The following ROBO1 variants were observed in gnomAD, a reference collection of about 807,000 sequenced individuals.
The protein encoded by ROBO1 is roundabout guidance receptor 1.
In ROBO1, 149 loss-of-function variants were observed where a neutral mutation model predicts 195.9. The observed-to-expected ratio is 0.76, with a 90% confidence interval of 0.67 to 0.87. The LOEUF (loss-of-function observed/expected upper bound fraction) is 0.87, where lower values mean the gene tolerates loss of function less well. Ranked by LOEUF, ROBO1 falls within the 40% of genes least tolerant of loss-of-function variation. ROBO1 has a pLI of 0.00. For missense variants in ROBO1, 1,933 were observed against 2,068.3 expected, an observed-to-expected ratio of 0.93 and a Z score of 1.27; for synonymous variants, 816 against 733.2, an observed-to-expected ratio of 1.11 and a Z score of -1.82.
intron 2 of ROBO1, among the ~76,000 whole-genome samples, chr3:79,554,932 T>G (rs1461998640): frequency 6.6e-6 from 1 of 152,072 alleles, no homozygotes; most frequent in Non-Finnish European, 1.5e-5. Context: ...AGATAAATAT[T>G]TGTTGAAAAT....
intron 3 of ROBO1, chr3:79,018,661 A>C (rs948910540): frequency 2.1e-6 from 3 of 1,398,612 alleles, no homozygotes; most frequent in Non-Finnish European, 2.8e-6. Context: ...GCAGAGGAAG[A>C]ATTCCAAGGT....
chr3:78,995,383 G>A lies in ROBO1; in HGVS notation c.173-56456C>T, dbSNP rs141946509. 3.2e-3 allele frequency among the ~76,000 whole-genome samples: 491 copies of A among 152,090 alleles called. 6 individuals are homozygous for A. Among genetic ancestry groups the A allele is most frequent in the African/African-American group, 1.0e-2 (415 of 41,502 alleles). On this transcript the variant is annotated intron_variant, in intron 3 of 30. Coordinates refer to ENST00000464233, the MANE Select transcript of ROBO1 (RefSeq NM_002941.4). ...CAGCAAGCATGATGAACCTGGAACCGAGCAACACAGAGCCCTGCACTGCTT... is the reference window on the plus strand; with the variant it reads ...CAGCAAGCATGATGAACCTGGAACCAAGCAACACAGAGCCCTGCACTGCTT...
intron 3 of ROBO1, among the ~76,000 whole-genome samples, chr3:79,003,233 T>C (rs191501928): frequency 6.6e-6 from 1 of 152,260 alleles, no homozygotes; most frequent in African/African-American, 2.4e-5. Context: ...AACTGTCAAA[T>C]TAACGCTGAA....
intron 27 of ROBO1, among the ~76,000 whole-genome samples, chr3:78,616,183 T>C (rs1704099726): frequency 6.6e-6 from 1 of 152,186 alleles, no homozygotes; most frequent in Non-Finnish European, 1.5e-5. Flanking sequence ...TTTCGTCCAT[T>C]TAATAAACTG....
intron 3 of ROBO1, among the ~76,000 whole-genome samples, chr3:79,071,003 A>G (rs891360700): frequency 1.7e-4 from 26 of 151,898 alleles, no homozygotes; most frequent in African/African-American, 6.0e-4. Flanking sequence ...ATATGTATAG[A>G]TTGTAAAATG....
chr3:78,772,648 A>G (rs898191833), intron 4 of ROBO1, among the ~76,000 whole-genome samples: 3 of 152,026 alleles, frequency 2.0e-5, no homozygotes, highest in Non-Finnish European at 4.4e-5. Flanking sequence ...TTAATCTCCA[A>G]TGAGACAGTA....
At chr3:79,559,797 A>T (rs1392807627) in intron 2 of ROBO1, among the ~76,000 whole-genome samples, 2 of 152,046 alleles carry the variant, frequency 1.3e-5, no homozygotes, top group South Asian at 2.1e-4. Flanking sequence ...TGCACCTGTT[A>T]TCCCAGCTAC....
At chr3:79,693,974 T>C (rs1947370059) in intron 1 of ROBO1, among the ~76,000 whole-genome samples, 1 of 151,706 alleles carries the variant, frequency 6.6e-6, no homozygotes, top group South Asian at 2.1e-4. Flanking sequence ...GTTTTGGACA[T>C]GGCCAAATTT....
chr3:78,981,788 AAC>A lies in ROBO1; in HGVS notation c.173-42863_173-42862del, dbSNP rs375186931. 1.0e-2 allele frequency among the ~76,000 whole-genome samples: 1,399 copies of A among 140,248 alleles called. 5 individuals are homozygous for A. The highest frequency in any genetic ancestry group is 0.013 in the African/African-American group (493 of 37,966). 92.0% of individuals were successfully genotyped at this position (140,248 alleles called of 152,430 possible). A position where few individuals can be genotyped will look rare whatever the true frequency, so the allele number is the denominator to read the frequency against. Reference sequence around the variant, plus strand: ...CCGCTCCCATCCCCTGGCCCCTGCCAACACACACACACACACACACACACACA... The same window carrying A: ...CCGCTCCCATCCCCTGGCCCCTGCCAACACACACACACACACACACACACA... On this transcript the variant is annotated intron_variant, in intron 3 of 30. Coordinates refer to ENST00000464233, the MANE Select transcript of ROBO1 (RefSeq NM_002941.4).
At chr3:79,232,258 A>T (rs184819405) in intron 2 of ROBO1, among the ~76,000 whole-genome samples, 12,048 of 148,536 alleles carry the variant, frequency 0.081, 527 homozygotes, top group African/African-American at 0.11. Context: ...AAAAAAAAAA[A>T]AAATATATAT....
intron 1 of ROBO1, among the ~76,000 whole-genome samples, chr3:79,632,584 T>C (rs577820564): frequency 1.2e-4 from 19 of 152,182 alleles, no homozygotes; most frequent in African/African-American, 1.9e-4. Flanking sequence ...TTATGCAATA[T>C]ATCCATGTTC....
intron 2 of ROBO1, among the ~76,000 whole-genome samples, chr3:79,442,693 C>T (rs2039099394): frequency 6.6e-6 from 1 of 152,092 alleles, no homozygotes; most frequent in South Asian, 2.1e-4. Flanking sequence ...AAAAGGACCA[C>T]CTCCTTTCCT....
chr3:79,415,229 C>T (rs2037951324), intron 2 of ROBO1, among the ~76,000 whole-genome samples: 1 of 152,232 alleles, frequency 6.6e-6, no homozygotes, highest in East Asian at 1.9e-4. Context: ...CAAGGAATTG[C>T]AGTGAAACAA....
intron 1 of ROBO1, among the ~76,000 whole-genome samples, chr3:79,638,799 C>A (rs1945572365): frequency 6.6e-6 from 1 of 152,104 alleles, no homozygotes; most frequent in Non-Finnish European, 1.5e-5. Flanking sequence ...GAAAAAGGTG[C>A]TTTTTGGTTC....
intron 1 of ROBO1, among the ~76,000 whole-genome samples, chr3:79,649,640 C>G (rs1945940787): frequency 1.3e-5 from 2 of 152,006 alleles, no homozygotes; most frequent in South Asian, 4.1e-4. Flanking sequence ...TAGGTGTCAA[C>G]TTGAATGGAT....
chr3:79,280,181 T>C (rs887872287), intron 2 of ROBO1, among the ~76,000 whole-genome samples: 1 of 152,148 alleles, frequency 6.6e-6, no homozygotes, highest in Admixed American at 6.5e-5. Flanking sequence ...TATTGTTCTA[T>C]AGCACTGTGG....
intron 4 of ROBO1, among the ~76,000 whole-genome samples, chr3:78,788,094 C>A (rs72892501): frequency 2.0e-5 from 3 of 150,436 alleles, no homozygotes; most frequent in African/African-American, 7.3e-5. Context: ...CGCCTGCCAC[C>A]GCGCCCGACT....
chr3:78,701,919 A>C (rs1167220470), intron 8 of ROBO1, among the ~76,000 whole-genome samples: 1 of 152,200 alleles, frequency 6.6e-6, no homozygotes, highest in Non-Finnish European at 1.5e-5. Flanking sequence ...AGGTGTGTTT[A>C]TACTGGCACA....
chr3:78,835,480 G>A (rs1207100244), intron 4 of ROBO1, among the ~76,000 whole-genome samples: 1 of 152,166 alleles, frequency 6.6e-6, no homozygotes. Context: ...ATGAAAATAA[G>A]TAAGACATTG....
Sources: gnomAD v4.1 joint callset for allele counts (sites outside exome capture counted in the v4.1 genomes callset) on GRCh38, gnomAD v4.1.1 for gene constraint, MANE v1.5 for transcripts, NCBI Gene and HGNC (gene_info 2026-07-23, HGNC 2026-07-21) for gene names.